Variants in SGCD observed in about 807,000 individuals in gnomAD.
SGCD encodes the protein delta-sarcoglycan.
SGCD carries 18 observed loss-of-function variants against 36.6 expected under a neutral mutation model. The ratio of observed to expected loss-of-function variants is 0.49; its 90% CI spans 0.34 to 0.73. The LOEUF (loss-of-function observed/expected upper bound fraction) is 0.73. SGCD is among the 30% of genes least tolerant of loss of function. The probability of loss-of-function intolerance (pLI) is 0.01; values close to 1 mark genes in which losing one functional copy is unlikely to be tolerated. For synonymous variants in SGCD, 133 were observed against 130.6 expected (o/e 1.02, Z -0.12); for missense variants, 387 against 346.7 (o/e 1.12, Z -0.92).
chr5:156,731,312 C>A (rs1267310945), intron 7 of SGCD, among the ~76,000 whole-genome samples: 2 of 152,060 alleles, frequency 1.3e-5, no homozygotes, highest in African/African-American at 4.8e-5. Flanking sequence ...AATCTTTGCC[C>A]ATGCCTATGT....
intron 4 of SGCD, among the ~76,000 whole-genome samples, chr5:156,584,031 C>A (rs1173248700): frequency 6.6e-6 from 1 of 152,130 alleles, no homozygotes; most frequent in Non-Finnish European, 1.5e-5. Flanking sequence ...TTTGTGAAAT[C>A]CCAAGACGCA....
intron 3 of SGCD, among the ~76,000 whole-genome samples, chr5:156,442,191 G>A (rs967423744): frequency 1.3e-5 from 2 of 152,144 alleles, no homozygotes; most frequent in Admixed American, 6.6e-5. Context: ...GAAATTGTGC[G>A]TTGTTTTTCT....
At chr5:156,436,171 G>T (rs1451317468) in intron 3 of SGCD, among the ~76,000 whole-genome samples, 3 of 152,158 alleles carry the variant, frequency 2.0e-5, no homozygotes, top group Non-Finnish European at 4.4e-5. Flanking sequence ...TGGATTCTTT[G>T]TCAAAAATTT....
Position 156,577,532 on chromosome 5 carries a change from T to A in SGCD, c.295-11699T>A, listed in dbSNP as rs552460636. ...AGTATGGCCATTTTCACAATATTTA[T>A]CCTTCCTATCCATGAGCGTGGAATG... On this transcript the variant is annotated intron_variant, in intron 4 of 8. Coordinates refer to ENST00000337851, the MANE Select transcript of SGCD (RefSeq NM_000337.6). Among the ~76,000 whole-genome samples the A allele has an allele frequency of 6.6e-5, 10 of 152,368 alleles. No homozygotes were observed. The East Asian group carries it at 1.9e-3, about 29-fold the overall frequency.
intron 3 of SGCD, among the ~76,000 whole-genome samples, chr5:156,378,918 C>G (rs548984777): frequency 3.2e-4 from 48 of 152,074 alleles, no homozygotes; most frequent in Non-Finnish European, 5.7e-4. Context: ...TATAAAATCA[C>G]CATCCCAGAT....
At chr5:155,735,651 G>T in the SGCD span, among the ~76,000 whole-genome samples, 1,390 of 152,320 alleles carry the variant, frequency 9.1e-3, 28 homozygotes, top group African/African-American at 0.032. Flanking sequence ...AGGCAGGCTT[G>T]CAAGCATAGG....
At chr5:155,833,202 C>T in the SGCD span, among the ~76,000 whole-genome samples, 1 of 151,740 alleles carries the variant, frequency 6.6e-6, no homozygotes, top group Middle Eastern at 3.2e-3. Flanking sequence ...TACACTCCAG[C>T]CTGGGTGACA....
At chr5:156,576,860 G>C (rs917731157) in intron 4 of SGCD, among the ~76,000 whole-genome samples, 2 of 152,064 alleles carry the variant, frequency 1.3e-5, no homozygotes, top group Non-Finnish European at 2.9e-5. Context: ...CTCCCATTCT[G>C]TAGGTTACCT....
chr5:156,712,848 C>T (rs1024645571), intron 7 of SGCD, among the ~76,000 whole-genome samples: 10 of 152,122 alleles, frequency 6.6e-5, no homozygotes, highest in African/African-American at 2.4e-4. Flanking sequence ...AATCAATCAC[C>T]TCACTTTTCC....
chr5:155,909,223 G>T (rs1273847196), intron 1 of SGCD, among the ~76,000 whole-genome samples: 2 of 152,056 alleles, frequency 1.3e-5, no homozygotes, highest in African/African-American at 2.4e-5. Flanking sequence ...AGAAGTCTTA[G>T]TTTCAGCCTT....
chr5:155,872,194 T>A (rs1580962969), intron 1 of SGCD, among the ~76,000 whole-genome samples: 1 of 152,258 alleles, frequency 6.6e-6, no homozygotes, highest in East Asian at 1.9e-4. Flanking sequence ...CCTAGGTGAG[T>A]AATGCCTGCG....
Position 156,545,820 on chromosome 5 carries a change from C to T in SGCD, c.294+37118C>T, listed in dbSNP as rs76988068. 0.013 allele frequency among the ~76,000 whole-genome samples: 1,912 copies of T among 152,232 alleles called. 92 individuals are homozygous for T. In the East Asian group the frequency reaches 0.17, roughly 13 times the overall value. On this transcript the variant is annotated intron_variant, in intron 4 of 8. Transcript: ENST00000337851. Reference sequence around the variant, plus strand: ...TTTGGAAATGGAAGTATGGATATGTCTGCGGGAAGCCCAATACTGGGGACA... The same window carrying T: ...TTTGGAAATGGAAGTATGGATATGTTTGCGGGAAGCCCAATACTGGGGACA...
chr5:155,902,098 C>T (rs1756404607), intron 1 of SGCD, among the ~76,000 whole-genome samples: 1 of 152,200 alleles, frequency 6.6e-6, no homozygotes, highest in Admixed American at 6.5e-5. Flanking sequence ...GCCTAACATT[C>T]TAATTTAGAC....
At chr5:156,677,920 T>C (rs1392984831) in intron 7 of SGCD, among the ~76,000 whole-genome samples, 1 of 152,212 alleles carries the variant, frequency 6.6e-6, no homozygotes, top group Non-Finnish European at 1.5e-5. Context: ...CCTATCTCCA[T>C]GGCCTTTTGC....
At chr5:156,382,914 A>G (rs1771061516) in intron 3 of SGCD, among the ~76,000 whole-genome samples, 1 of 152,232 alleles carries the variant, frequency 6.6e-6, no homozygotes, top group Admixed American at 6.5e-5. Flanking sequence ...GACTAAAACT[A>G]AGGTACTCCA....
chr5:156,223,868 G>T (rs535152984), intron 3 of SGCD, among the ~76,000 whole-genome samples: 1 of 151,978 alleles, frequency 6.6e-6, no homozygotes, highest in Non-Finnish European at 1.5e-5. Flanking sequence ...TAATCACAAC[G>T]GAGTGTGTTT....
intron 1 of SGCD, among the ~76,000 whole-genome samples, chr5:155,909,633 C>A (rs1443889362): frequency 6.6e-6 from 1 of 152,084 alleles, no homozygotes; most frequent in Non-Finnish European, 1.5e-5. Context: ...GGAATTGCTT[C>A]CAAGGGCATG....
intron 7 of SGCD, among the ~76,000 whole-genome samples, chr5:156,669,804 G>C (rs966187328): frequency 6.6e-6 from 1 of 152,156 alleles, no homozygotes; most frequent in African/African-American, 2.4e-5. Context: ...AACCAGGATT[G>C]ATTGTAACTG....
At chr5:156,291,429 A>G (rs1766753972) in intron 3 of SGCD, among the ~76,000 whole-genome samples, 1 of 152,166 alleles carries the variant, frequency 6.6e-6, no homozygotes, top group African/African-American at 2.4e-5. Context: ...AAATGAGCAT[A>G]ACTATGTTCC....
Sources: allele counts gnomAD v4.1 joint callset (sites outside exome capture counted in the v4.1 genomes callset), GRCh38; gene constraint gnomAD v4.1.1; transcripts MANE v1.5; gene names NCBI Gene and HGNC (gene_info 2026-07-23, HGNC 2026-07-21).